MIPOL1: variants seen among roughly 807,000 people sequenced by gnomAD.
MIPOL1 encodes the protein mirror-image polydactyly gene 1 protein.
A neutral mutation model predicts 60.9 loss-of-function variants in MIPOL1; 57 were observed. The observed-to-expected ratio is 0.94, with a 90% CI of 0.76 to 1.17. MIPOL1 has a LOEUF of 1.17. Ranked by LOEUF, MIPOL1 falls within the 50% of genes most tolerant of loss-of-function variation. The pLI, the probability that MIPOL1 is intolerant of heterozygous loss-of-function variation, is 0.00. For missense variants in MIPOL1, 551 were observed against 511.6 expected (o/e 1.08, Z -0.74); for synonymous variants, 179 against 168.8 (o/e 1.06, Z -0.47).
chr14:37,455,915 A>C (rs1955943), intron 11 of MIPOL1, among the ~76,000 whole-genome samples: 116,147 of 151,980 alleles, frequency 0.76, 44,610 homozygotes, highest in East Asian at 0.85. Flanking sequence ...GCTCAGATTT[A>C]GTAAGTCTAT....
At chr14:37,370,275 T>C (rs909473555) in intron 10 of MIPOL1, among the ~76,000 whole-genome samples, 2 of 152,192 alleles carry the variant, frequency 1.3e-5, no homozygotes, top group Non-Finnish European at 2.9e-5. Flanking sequence ...AAGGTGCTTG[T>C]GACTTTTCAT....
chr14:37,304,264 C>T (rs187740700), intron 7 of MIPOL1, among the ~76,000 whole-genome samples: 4 of 151,736 alleles, frequency 2.6e-5, no homozygotes, highest in Non-Finnish European at 5.9e-5. Flanking sequence ...ATCTCTGTTA[C>T]AGTGTCTGCT....
intron 12 of MIPOL1, among the ~76,000 whole-genome samples, chr14:37,527,533 C>G (rs2095455326): frequency 6.6e-6 from 1 of 152,048 alleles, no homozygotes; most frequent in Non-Finnish European, 1.5e-5. Context: ...CATAAATCAT[C>G]TCTTCCAATG....
At chr14:37,360,909 G>T (rs1192265427) in intron 9 of MIPOL1, among the ~76,000 whole-genome samples, 2 of 151,964 alleles carry the variant, frequency 1.3e-5, no homozygotes, top group Non-Finnish European at 2.9e-5. Context: ...AATTGTGATG[G>T]TAGGATGTCA....
intron 10 of MIPOL1, among the ~76,000 whole-genome samples, chr14:37,421,990 AT>A (rs908616866): frequency 4.6e-5 from 7 of 152,078 alleles, no homozygotes; most frequent in African/African-American, 1.7e-4. Flanking sequence ...TTCAAACACC[AT>A]TTAAAGCAAA....
intron 10 of MIPOL1, among the ~76,000 whole-genome samples, chr14:37,397,613 G>A (rs1459641003): frequency 8.5e-5 from 13 of 152,100 alleles, no homozygotes; most frequent in Non-Finnish European, 4.4e-5. Context: ...GGCCCATCAG[G>A]TGGGGGCAGG....
chr14:37,522,470 C>T (rs2095420484), intron 12 of MIPOL1, among the ~76,000 whole-genome samples: 1 of 152,114 alleles, frequency 6.6e-6, no homozygotes, highest in African/African-American at 2.4e-5. Context: ...CACCATATAT[C>T]GTTCTCTTAT....
chr14:37,518,339 C>T (rs2095386598), intron 12 of MIPOL1, among the ~76,000 whole-genome samples: 1 of 152,064 alleles, frequency 6.6e-6, no homozygotes, highest in South Asian at 2.1e-4. Context: ...AAGTAAATCT[C>T]ATGATTTTAT....
At position 37,353,574 on chromosome 14, in the gene MIPOL1, C is replaced by T. The variant is rs975248100; in HGVS notation, c.829-15943C>T. 3.9e-5 allele frequency among the ~76,000 whole-genome samples: 6 copies of T among 151,954 alleles called. No homozygotes were observed. In the South Asian group the frequency reaches 1.2e-3, roughly 32 times the overall value. Reference sequence around the variant, plus strand: ...GTTGGTAAGCTATTGATTATTGCCACAATTTCAGATCCTGTTATTGGTCTA... The same window carrying T: ...GTTGGTAAGCTATTGATTATTGCCATAATTTCAGATCCTGTTATTGGTCTA... On this transcript the variant is annotated intron_variant, in intron 9 of 12. Coordinates refer to ENST00000684589, the MANE Select transcript of MIPOL1 (RefSeq NM_001388067.1).
At chr14:37,240,360 T>C (rs1594678145) in intron 1 of MIPOL1, 2 of 152,246 alleles carry the variant, frequency 1.3e-5, no homozygotes, top group East Asian at 3.8e-4. Flanking sequence ...GCTATTCTTT[T>C]GTTTGATTTC....
Position 37,546,940 on chromosome 14 carries a change from T to C in MIPOL1, c.1298T>C (p.Val433Ala). The C allele has an allele frequency of 6.2e-7, 1 of 1,613,684 alleles. No homozygotes were observed. Among genetic ancestry groups the C allele is most frequent in the Non-Finnish European group, 8.5e-7 (1 of 1,179,834 alleles). ...CTGGTGGATGTACTGAGGAAGAAGG[T>C]TGGAACCGGGACCATGAGGACAGTG... is the stretch of plus-strand genomic sequence containing the variant. Reference protein sequence around the residue: ...ERLVDVLRKKVGTGTMRTVI With the variant: ...ERLVDVLRKKAGTGTMRTVI The change falls in exon 13 of 13, where the codon GTT becomes GCT. Residue 433 changes from valine to alanine, a missense_variant. Transcript: ENST00000684589.
At chr14:37,297,011 A>AT (rs1169607683) in intron 7 of MIPOL1, among the ~76,000 whole-genome samples, 1 of 152,216 alleles carries the variant, frequency 6.6e-6, no homozygotes, top group Non-Finnish European at 1.5e-5. Context: ...AAAAAAGAGA[A>AT]TTTTAGACCA....
chr14:37,279,351 G>A (rs909716722), intron 6 of MIPOL1, among the ~76,000 whole-genome samples: 4 of 151,192 alleles, frequency 2.6e-5, no homozygotes, highest in African/African-American at 9.7e-5. Context: ...TTGCATTAGA[G>A]CTGTGGGTGT....
At chr14:37,337,120 G>A (rs190236087) in intron 9 of MIPOL1, among the ~76,000 whole-genome samples, 6 of 151,226 alleles carry the variant, frequency 4.0e-5, no homozygotes, top group African/African-American at 1.2e-4. Flanking sequence ...TGGTTGCTGT[G>A]GCTTCTTAAA....
intron 10 of MIPOL1, among the ~76,000 whole-genome samples, chr14:37,398,245 G>A (rs2093415531): frequency 6.6e-6 from 1 of 152,098 alleles, no homozygotes; most frequent in Non-Finnish European, 1.5e-5. Context: ...CTTCACTAGG[G>A]GCACGGTGGT....
At chr14:37,303,473 A>G (rs2086503281) in intron 7 of MIPOL1, among the ~76,000 whole-genome samples, 1 of 151,792 alleles carries the variant, frequency 6.6e-6, no homozygotes, top group Non-Finnish European at 1.5e-5. Context: ...CTATCTCTTT[A>G]ACTAAAATAT....
At chr14:37,344,661 T>A (rs1243204911) in intron 9 of MIPOL1, among the ~76,000 whole-genome samples, 2 of 152,190 alleles carry the variant, frequency 1.3e-5, no homozygotes, top group Non-Finnish European at 2.9e-5. Flanking sequence ...TCCTGTTATC[T>A]TTATTAGTTA....
intron 12 of MIPOL1, among the ~76,000 whole-genome samples, chr14:37,501,048 A>T (rs2095208615): frequency 6.6e-6 from 1 of 152,216 alleles, no homozygotes; most frequent in South Asian, 2.1e-4. Flanking sequence ...CATTTCCTCA[A>T]TATCCCTGAA....
At chr14:37,299,231 G>A (rs1313803425) in intron 7 of MIPOL1, among the ~76,000 whole-genome samples, 1 of 151,528 alleles carries the variant, frequency 6.6e-6, no homozygotes, top group Non-Finnish European at 1.5e-5. Flanking sequence ...CTCACTCATA[G>A]GTGAGAATTG....
Sources: allele counts gnomAD v4.1 joint callset (sites outside exome capture counted in the v4.1 genomes callset), GRCh38; gene constraint gnomAD v4.1.1; transcripts MANE v1.5; gene names NCBI Gene and HGNC (gene_info 2026-07-23, HGNC 2026-07-21).